Variants in MAPK4 observed in about 807,000 individuals in gnomAD.
The protein encoded by MAPK4 is mitogen-activated protein kinase 4.
In MAPK4, 22 loss-of-function variants were observed where a neutral mutation model predicts 47.7. The ratio of observed to expected loss-of-function variants is 0.46; its 90% confidence interval spans 0.33 to 0.66. The LOEUF is 0.66. MAPK4 is among the 30% of genes least tolerant of loss of function. The pLI is 0.02. For missense variants in MAPK4, 736 were observed against 831.7 expected (o/e 0.88, Z 1.42); for synonymous variants, 390 against 365.7 (o/e 1.07, Z -0.76).
At chr18:50,656,898 T>C (rs1000368989) in intron 1 of MAPK4, among the ~76,000 whole-genome samples, 2 of 151,236 alleles carry the variant, frequency 1.3e-5, no homozygotes, top group African/African-American at 4.9e-5. Context: ...CAGCCTCAAG[T>C]AAAAAAAAAT....
Position 50,663,868 on chromosome 18 carries a change from A to G in MAPK4, c.-91A>G, listed in dbSNP as rs1313797475. ...TCCCTCAGCCGTGGGACTTGACAGAATGAGGTGCGCGAGGGAGGCCGCTAG... is the reference window on the plus strand; with the variant it reads ...TCCCTCAGCCGTGGGACTTGACAGAGTGAGGTGCGCGAGGGAGGCCGCTAG... On this transcript the variant is annotated 5_prime_UTR_variant, in exon 2 of 6. The change abolishes an upstream ATG in the 5' untranslated region. Transcript: ENST00000400384. The G allele has an allele frequency of 2.6e-6, 3 of 1,133,220 alleles. No homozygotes were observed. The highest frequency in any genetic ancestry group is 3.8e-6 in the Non-Finnish European group (3 of 788,724). 70.2% of individuals were successfully genotyped at this position (1,133,220 alleles called of 1,614,324 possible). A position where few individuals can be genotyped will look rare whatever the true frequency, so the allele number is the denominator to read the frequency against.
chr18:50,697,482 G>A (rs1033162024), intron 2 of MAPK4, among the ~76,000 whole-genome samples: 16 of 152,140 alleles, frequency 1.1e-4, no homozygotes, highest in African/African-American at 3.9e-4. Context: ...ACAGTGTTTG[G>A]CAGGCATACC....
chr18:50,639,836 A>G (rs2042922741), intron 1 of MAPK4, among the ~76,000 whole-genome samples: 1 of 152,166 alleles, frequency 6.6e-6, no homozygotes, highest in African/African-American at 2.4e-5. Context: ...AGAATATTCC[A>G]TTAGGAACCT....
intron 4 of MAPK4, among the ~76,000 whole-genome samples, chr18:50,725,229 G>A (rs1911128971): frequency 6.6e-6 from 1 of 152,172 alleles, no homozygotes; most frequent in Non-Finnish European, 1.5e-5. Flanking sequence ...TTCAGTATCT[G>A]TAATATCTAT....
Position 50,729,716 on chromosome 18 carries a change from C to T in MAPK4, c.1626C>T (p.Phe542=). The T allele has an allele frequency of 6.3e-7, 1 of 1,580,862 alleles. No homozygotes were observed. Residue 542 remains phenylalanine (F), a synonymous_variant, in exon 6 of 6, where the codon TTC becomes TTT. Transcript: ENST00000400384. Reference sequence around the variant, plus strand: ...GCCCCCAGTTCGACCTGGACGTGTTCATCTCCCGCGCCCTGAAGCTCTGCA... The same window carrying T: ...GCCCCCAGTTCGACCTGGACGTGTTTATCTCCCGCGCCCTGAAGCTCTGCA... ...GASPQFDLDV[F]ISRALKLCTK...
At chr18:50,598,499 AC>A (rs551632213) in intron 1 of MAPK4, among the ~76,000 whole-genome samples, 322 of 152,332 alleles carry the variant, frequency 2.1e-3, no homozygotes, top group Admixed American at 4.3e-3. Context: ...AAAACAAAAA[AC>A]AAAATGACTG....
chr18:50,629,486 G>A (rs1046790266), intron 1 of MAPK4: 3 of 152,234 alleles, frequency 2.0e-5, no homozygotes, highest in Admixed American at 2.0e-4. Context: ...CTGTGGGAGA[G>A]GAAGTCAGAG....
intron 1 of MAPK4, among the ~76,000 whole-genome samples, chr18:50,565,957 T>G (rs1475020788): frequency 6.6e-6 from 1 of 152,218 alleles, no homozygotes; most frequent in African/African-American, 2.4e-5. Flanking sequence ...CTTAAAATAA[T>G]AAGGCTTTAA....
At chr18:50,576,987 C>T (rs2042303146) in intron 1 of MAPK4, among the ~76,000 whole-genome samples, 1 of 152,154 alleles carries the variant, frequency 6.6e-6, no homozygotes, top group Admixed American at 6.5e-5. Flanking sequence ...ACCCTGCTCT[C>T]CTGGAGCTTG....
chr18:50,657,741 G>A (rs760464844), intron 1 of MAPK4, among the ~76,000 whole-genome samples: 50 of 151,820 alleles, frequency 3.3e-4, no homozygotes, highest in Admixed American at 8.6e-4. Flanking sequence ...CCGAGGCAAG[G>A]GATGCTGCTG....
intron 1 of MAPK4, among the ~76,000 whole-genome samples, chr18:50,562,984 T>C (rs967271182): frequency 1.3e-5 from 2 of 152,230 alleles, no homozygotes; most frequent in African/African-American, 4.8e-5. Flanking sequence ...TAGAAATTCC[T>C]GGTAATGGCT....
At chr18:50,610,022 A>C (rs34410047) in intron 1 of MAPK4, among the ~76,000 whole-genome samples, 1 of 152,182 alleles carries the variant, frequency 6.6e-6, no homozygotes, top group Non-Finnish European at 1.5e-5. Context: ...GCAGAAAAAG[A>C]AAATGGAATT....
intron 4 of MAPK4, among the ~76,000 whole-genome samples, chr18:50,724,137 G>A (rs867824772): frequency 2.6e-5 from 4 of 152,042 alleles, no homozygotes; most frequent in East Asian, 1.9e-4. Flanking sequence ...TCAGCCTCCC[G>A]AGTAGCTGGC....
Position 50,560,161 on chromosome 18 carries a change from G to C in MAPK4, c.-953G>C, listed in dbSNP as rs146548264. On this transcript the variant is annotated 5_prime_UTR_variant, in exon 1 of 6. Coordinates refer to ENST00000400384, the MANE Select transcript of MAPK4 (RefSeq NM_002747.4). ...CTCGCCGTGCGCCGTGGCTGGGACC[G>C]GCCTGGCCGAGCGCGCCGGCGCCGC... is the stretch of plus-strand genomic sequence containing the variant. The C allele has an allele frequency of 6.7e-6, 1 of 149,856 alleles. No individual in the cohort carries two copies. Among genetic ancestry groups the C allele is most frequent in the Non-Finnish European group, 1.5e-5 (1 of 67,238 alleles). The allele number at this position is 149,856 out of a possible 1,614,324, so 9.3% of individuals were successfully genotyped here.
intron 1 of MAPK4, among the ~76,000 whole-genome samples, chr18:50,632,464 A>G (rs1336447501): frequency 1.3e-5 from 2 of 152,154 alleles, no homozygotes. Flanking sequence ...GTCATCCAGC[A>G]TCCCCTCTGC....
At chr18:50,634,883 AC>A (rs371185154) in intron 1 of MAPK4, among the ~76,000 whole-genome samples, 34 of 152,274 alleles carry the variant, frequency 2.2e-4, no homozygotes, top group African/African-American at 8.2e-4. Flanking sequence ...CAGGTCTTAC[AC>A]ACTCCAGAGC....
At chr18:50,609,186 G>C (rs1282199275) in intron 1 of MAPK4, among the ~76,000 whole-genome samples, 5 of 151,526 alleles carry the variant, frequency 3.3e-5, no homozygotes, top group Admixed American at 1.3e-4. Flanking sequence ...TTTTCTATTC[G>C]ACAAAACCGC....
At chr18:50,720,726 G>A (rs192381314) in intron 3 of MAPK4, among the ~76,000 whole-genome samples, 49 of 152,302 alleles carry the variant, frequency 3.2e-4, no homozygotes, top group African/African-American at 1.1e-3. Flanking sequence ...CTGGTGGGTG[G>A]TGTGGAGTAC....
chr18:50,562,379 A>C (rs966810457), intron 1 of MAPK4, among the ~76,000 whole-genome samples: 1 of 150,992 alleles, frequency 6.6e-6, no homozygotes, highest in African/African-American at 2.4e-5. Context: ...TAACTAAACA[A>C]GATTTTCTCA....
Sources: gnomAD v4.1 joint callset for allele counts (sites outside exome capture counted in the v4.1 genomes callset) on GRCh38, gnomAD v4.1.1 for gene constraint, MANE v1.5 for transcripts, NCBI Gene and HGNC (gene_info 2026-07-23, HGNC 2026-07-21) for gene names.